Variants in KLHL1 observed in about 807,000 individuals in gnomAD.
KLHL1 encodes kelch like family member 1.
A neutral mutation model predicts 77.7 loss-of-function variants in KLHL1; 47 were observed. The ratio of observed to expected loss-of-function variants is 0.60; its 90% CI spans 0.48 to 0.77. The LOEUF (loss-of-function observed/expected upper bound fraction) is 0.77, where lower values mean the gene tolerates loss of function less well. KLHL1 is among the 30% of genes least tolerant of loss of function. The pLI is 0.00. For synonymous variants in KLHL1, 360 were observed against 325.2 expected, an observed-to-expected ratio of 1.11 and a Z score of -1.15; for missense variants, 925 against 910.8, an observed-to-expected ratio of 1.02 and a Z score of -0.20.
At chr13:70,064,839 G>A (rs1048909073) in intron 1 of KLHL1, among the ~76,000 whole-genome samples, 2 of 152,128 alleles carry the variant, frequency 1.3e-5, no homozygotes, top group African/African-American at 2.4e-5. Context: ...AGTTGCCTGG[G>A]CACTAAGTCT....
intron 3 of KLHL1, among the ~76,000 whole-genome samples, chr13:69,948,132 G>A (rs187098173): frequency 6.6e-6 from 1 of 152,030 alleles, no homozygotes; most frequent in African/African-American, 2.4e-5. Flanking sequence ...CTCTTAGCAA[G>A]TCCAGAGGAA....
chr13:69,899,703 C>A (rs896352974), intron 4 of KLHL1, among the ~76,000 whole-genome samples: 2 of 151,878 alleles, frequency 1.3e-5, no homozygotes, highest in Non-Finnish European at 2.9e-5. Flanking sequence ...TGTTGAGATG[C>A]CGGAAAGGAA....
intron 4 of KLHL1, among the ~76,000 whole-genome samples, chr13:69,917,908 G>C (rs577632535): frequency 1.3e-5 from 2 of 152,134 alleles, no homozygotes; most frequent in Admixed American, 1.3e-4. Context: ...ACTGTACTAA[G>C]ATTGTTGAAA....
chr13:69,841,232 A>C (rs1879251692), intron 5 of KLHL1, among the ~76,000 whole-genome samples: 1 of 151,986 alleles, frequency 6.6e-6, no homozygotes, highest in African/African-American at 2.4e-5. Context: ...CAGGAAAGAG[A>C]AAGAAATAAA....
chr13:69,913,071 G>C (rs1036570819), intron 4 of KLHL1, among the ~76,000 whole-genome samples: 1 of 152,088 alleles, frequency 6.6e-6, no homozygotes. Flanking sequence ...TCCACAAACT[G>C]GAGTTCCAGG....
intron 7 of KLHL1, among the ~76,000 whole-genome samples, chr13:69,778,852 A>T (rs1179552645): frequency 1.5e-5 from 2 of 132,758 alleles, no homozygotes; most frequent in African/African-American, 2.9e-5. Context: ...AGGCTGGAGT[A>T]CAGTGGTGCA....
At position 70,036,790 on chromosome 13, in the gene KLHL1, G is replaced by A. The variant is rs911525943; in HGVS notation, c.498-60988C>T. ...TCCCACTTTTCTTGTTTCCTTTTAC[G>A]TTTTTCTTTCTAGCCCAACTTGGGT... On this transcript the variant is annotated intron_variant, in intron 1 of 10. Coordinates refer to ENST00000377844, the MANE Select transcript of KLHL1 (RefSeq NM_020866.3). Among the ~76,000 whole-genome samples, 15 of 125,322 alleles carry A rather than the reference G, an allele frequency of 1.2e-4. 1 individual carries two copies. The highest frequency in any genetic ancestry group is 7.8e-5 in the Admixed American group (1 of 12,878). 82.2% of individuals were successfully genotyped at this position (125,322 alleles called of 152,430 possible). A position where few individuals can be genotyped will look rare whatever the true frequency, so the allele number is the denominator to read the frequency against.
chr13:69,836,874 GAA>G (rs1357547736), intron 6 of KLHL1, among the ~76,000 whole-genome samples: 6 of 151,698 alleles, frequency 4.0e-5, no homozygotes, highest in Non-Finnish European at 5.9e-5. Flanking sequence ...GCAATAATTA[GAA>G]GAGAGGTATT....
At chr13:70,021,077 G>A (rs1223465323) in intron 1 of KLHL1, among the ~76,000 whole-genome samples, 1 of 152,012 alleles carries the variant, frequency 6.6e-6, no homozygotes, top group Non-Finnish European at 1.5e-5. Flanking sequence ...CACTCTCAGT[G>A]TTGTCCATTC....
chr13:70,011,691 TG>T (rs1382754138), intron 1 of KLHL1, among the ~76,000 whole-genome samples: 1 of 152,200 alleles, frequency 6.6e-6, no homozygotes, highest in Non-Finnish European at 1.5e-5. Flanking sequence ...AGGTAGGTGA[TG>T]TTGCTACAAT....
intron 3 of KLHL1, among the ~76,000 whole-genome samples, chr13:69,946,935 A>C (rs925045790): frequency 4.1e-5 from 6 of 146,870 alleles, no homozygotes; most frequent in Non-Finnish European, 8.8e-5. Context: ...CAATGGGAAA[A>C]TTGCAATTAC....
At chr13:70,012,845 G>A (rs1203618312) in intron 1 of KLHL1, among the ~76,000 whole-genome samples, 1 of 151,980 alleles carries the variant, frequency 6.6e-6, no homozygotes, top group Admixed American at 6.6e-5. Context: ...AGAGCTTGCA[G>A]TGAGGTGAGA....
intron 1 of KLHL1, among the ~76,000 whole-genome samples, chr13:70,102,271 A>G (rs1887939061): frequency 1.3e-5 from 2 of 152,200 alleles, no homozygotes; most frequent in Admixed American, 1.3e-4. Context: ...CAGATTTTCT[A>G]TCCTAAAGCC....
chr13:69,878,283 A>G (rs988100625), intron 5 of KLHL1, among the ~76,000 whole-genome samples: 1 of 151,990 alleles, frequency 6.6e-6, no homozygotes, highest in Non-Finnish European at 1.5e-5. Flanking sequence ...ATATCTTTTA[A>G]AATCTTCTTT....
At chr13:70,057,514 C>T (rs1251391405) in intron 1 of KLHL1, among the ~76,000 whole-genome samples, 4 of 145,462 alleles carry the variant, frequency 2.7e-5, no homozygotes, top group Non-Finnish European at 6.0e-5. Flanking sequence ...CGGTGGCTCA[C>T]GCCTGTAATC....
At chr13:69,977,959 T>C (rs927660178) in intron 1 of KLHL1, among the ~76,000 whole-genome samples, 1 of 152,068 alleles carries the variant, frequency 6.6e-6, no homozygotes, top group African/African-American at 2.4e-5. Flanking sequence ...AATATATATA[T>C]TTATCTACAC....
intron 6 of KLHL1, among the ~76,000 whole-genome samples, chr13:69,814,303 C>G (rs944853694): frequency 1.6e-4 from 25 of 152,142 alleles, no homozygotes; most frequent in African/African-American, 5.5e-4. Context: ...TAGAACAATA[C>G]CTATAAAACA....
chr13:69,957,440 T>C (rs1018310781), intron 3 of KLHL1, among the ~76,000 whole-genome samples: 2 of 151,764 alleles, frequency 1.3e-5, no homozygotes, highest in Non-Finnish European at 2.9e-5. Context: ...TTTTGGTCAT[T>C]ATGATGGCAT....
chr13:69,789,158 G>A (rs1246479291), intron 7 of KLHL1, among the ~76,000 whole-genome samples: 5 of 151,880 alleles, frequency 3.3e-5, no homozygotes, highest in Non-Finnish European at 7.4e-5. Flanking sequence ...TTAAATCATT[G>A]CATGAATTTA....
Sources: allele counts gnomAD v4.1 joint callset (sites outside exome capture counted in the v4.1 genomes callset), GRCh38; gene constraint gnomAD v4.1.1; transcripts MANE v1.5; gene names NCBI Gene and HGNC (gene_info 2026-07-23, HGNC 2026-07-21).